CDH11: variants seen among roughly 807,000 people sequenced by gnomAD.
CDH11 encodes the protein cadherin 11, also known as cadherin-11.
In CDH11, 11 loss-of-function variants were observed where a neutral mutation model predicts 67.8. That is an observed-to-expected ratio of 0.16 (90% CI 0.10 to 0.27). CDH11 has a LOEUF of 0.27. Among genes scored for constraint, CDH11 ranks in the 10% least tolerant of loss-of-function variants. The pLI is 1.00. For synonymous variants in CDH11, 419 were observed against 400.0 expected (o/e 1.05, Z -0.57); for missense variants, 847 against 1,031.2 (o/e 0.82, Z 2.45).
At position 64,987,879 on chromosome 16, in the gene CDH11, C is replaced by T. The variant is rs945921676; in HGVS notation, c.999+278G>A. On this transcript the variant is annotated intron_variant, in intron 7 of 12. Coordinates refer to ENST00000268603, the MANE Select transcript of CDH11 (RefSeq NM_001797.4). The stretch of plus-strand genomic sequence containing the variant: ...TCTAGATTTATCTCATTGTCCTTCC[C>T]TCCATGGGAGAACTGTGCTTCCCTC... 9.8e-6 allele frequency: 3 copies of T among 306,432 alleles called. No individual in the cohort carries two copies. In the East Asian group the frequency reaches 1.7e-4, roughly 17 times the overall value. 19.0% of individuals were successfully genotyped at this position (306,432 alleles called of 1,614,324 possible).
chr16:65,044,219 A>G (rs921711116), intron 2 of CDH11, among the ~76,000 whole-genome samples: 3 of 152,126 alleles, frequency 2.0e-5, no homozygotes, highest in Admixed American at 6.5e-5. Flanking sequence ...ATGGCATGGT[A>G]TTACACAGCC....
chr16:65,074,040 G>T (rs2074465233), intron 1 of CDH11, among the ~76,000 whole-genome samples: 1 of 152,182 alleles, frequency 6.6e-6, no homozygotes, highest in African/African-American at 2.4e-5. Context: ...TAAGTCCTTG[G>T]ACCCAGAGGC....
rs76845252 is a variant in CDH11, at chr16:65,049,391, C to T, written c.-173+4413G>A. Among the ~76,000 whole-genome samples, 15 of 152,228 alleles carry T rather than the reference C, an allele frequency of 9.9e-5. No individual in the cohort carries two copies. The East Asian group carries it at 2.5e-3, about 26-fold the overall frequency. On this transcript the variant is annotated intron_variant, in intron 2 of 12. Coordinates refer to ENST00000268603, the MANE Select transcript of CDH11 (RefSeq NM_001797.4). ...GAATGGAGACCCTGTCTCTACCCAT[C>T]GCTCATCGGTGGTCCTCAGCAAGTT...
chr16:65,049,482 C>T (rs375821933), intron 2 of CDH11, among the ~76,000 whole-genome samples: 5 of 152,064 alleles, frequency 3.3e-5, no homozygotes, highest in African/African-American at 9.7e-5. Flanking sequence ...GCATAGCAGC[C>T]AAAGTCTTGG....
chr16:65,069,708 A>G (rs1276822452), intron 1 of CDH11, among the ~76,000 whole-genome samples: 2 of 152,214 alleles, frequency 1.3e-5, no homozygotes, highest in Non-Finnish European at 2.9e-5. Flanking sequence ...GATACCATCA[A>G]TTTGAGTCTA....
intron 1 of CDH11, among the ~76,000 whole-genome samples, chr16:65,076,919 A>G (rs1215787335): frequency 6.6e-6 from 1 of 152,028 alleles, no homozygotes; most frequent in Non-Finnish European, 1.5e-5. Flanking sequence ...TTCTTAGCAC[A>G]TGGTATTTCT....
rs141912897 is a variant in CDH11, at chr16:65,098,128, T to C, written c.-298+23752A>G. On this transcript the variant is annotated intron_variant, in intron 1 of 12. Coordinates refer to ENST00000268603, the MANE Select transcript of CDH11 (RefSeq NM_001797.4). Reference sequence around the variant, plus strand: ...ACTGTGGAAGAGAAGGCCATGAAATTGGGTAGGGCAGCAGCTGGAAGAACC... The same window carrying C: ...ACTGTGGAAGAGAAGGCCATGAAATCGGGTAGGGCAGCAGCTGGAAGAACC... 2.2e-3 allele frequency among the ~76,000 whole-genome samples: 338 copies of C among 152,196 alleles called. 1 individual carries two copies. Among genetic ancestry groups the C allele is most frequent in the Non-Finnish European group, 4.3e-3 (291 of 68,020 alleles).
intron 4 of CDH11, among the ~76,000 whole-genome samples, chr16:64,997,926 G>A (rs1262324137): frequency 6.6e-6 from 1 of 152,076 alleles, no homozygotes; most frequent in Non-Finnish European, 1.5e-5. Context: ...CTTAATATGA[G>A]GAATGTTTCT....
At chr16:64,996,156 A>G (rs1319358067) in intron 4 of CDH11, among the ~76,000 whole-genome samples, 8 of 152,128 alleles carry the variant, frequency 5.3e-5, no homozygotes, top group African/African-American at 1.9e-4. Context: ...ACATTAGGTC[A>G]CTCTGAAAAG....
At chr16:65,081,115 T>C (rs1264451929) in intron 1 of CDH11, among the ~76,000 whole-genome samples, 1 of 152,208 alleles carries the variant, frequency 6.6e-6, no homozygotes, top group African/African-American at 2.4e-5. Flanking sequence ...TATATGCATA[T>C]GTCTGTCTAA....
At chr16:65,096,443 G>GTGTGTGTA (rs71143551) in intron 1 of CDH11, among the ~76,000 whole-genome samples, 2,921 of 138,358 alleles carry the variant, frequency 0.021, 44 homozygotes, top group South Asian at 0.072. Flanking sequence ...GTGTGTGTGT[G>GTGTGTGTA]TATATATATG....
intron 2 of CDH11, among the ~76,000 whole-genome samples, chr16:65,026,661 T>G (rs2073540701): frequency 6.6e-6 from 1 of 152,148 alleles, no homozygotes; most frequent in African/African-American, 2.4e-5. Context: ...TCTTCCAATT[T>G]CCACCTCAAA....
chr16:65,087,886 A>G (rs571695471), intron 1 of CDH11, among the ~76,000 whole-genome samples: 1 of 152,292 alleles, frequency 6.6e-6, no homozygotes, highest in South Asian at 2.1e-4. Flanking sequence ...CTTCTTTTTA[A>G]CAGTAATTAA....
intron 6 of CDH11, among the ~76,000 whole-genome samples, 181 bp from the exon 7 acceptor site, chr16:64,988,525 G>C (rs1485157883): frequency 6.6e-6 from 1 of 152,150 alleles, no homozygotes; most frequent in Admixed American, 6.5e-5. Flanking sequence ...CTTGTCAAAA[G>C]AATGTGTTCT....
At chr16:65,055,616 A>G (rs1342899869) in intron 1 of CDH11, among the ~76,000 whole-genome samples, 1 of 152,156 alleles carries the variant, frequency 6.6e-6, no homozygotes, top group Non-Finnish European at 1.5e-5. Flanking sequence ...ATCCATACTG[A>G]TTGTGTCTCA....
At chr16:64,973,970 A>G in intron 8 of CDH11, among the ~76,000 whole-genome samples, 1 of 152,066 alleles carries the variant, frequency 6.6e-6, no homozygotes, top group South Asian at 2.1e-4. Context: ...TATTTTAATG[A>G]CTCCAGGCTG....
rs1051217939 is a variant in CDH11, at chr16:64,998,971, G to A, written c.229-115C>T. The A allele has an allele frequency of 7.1e-6, 6 of 842,214 alleles. No individual in the cohort carries two copies. The East Asian group carries it at 1.3e-4, about 18-fold the overall frequency. The allele number at this position is 842,214 out of a possible 1,614,324, so 52.2% of individuals were successfully genotyped here. A position where few individuals can be genotyped will look rare whatever the true frequency, so the allele number is the denominator to read the frequency against. On this transcript the variant is annotated intron_variant, in intron 3 of 12. Coordinates refer to ENST00000268603, the MANE Select transcript of CDH11 (RefSeq NM_001797.4). ...CACACACACGTCATGAAAGGGAGAT[G>A]TTCTCATCTCCATTTTACAACAGGA...
At chr16:65,098,727 C>T (rs1377436644) in intron 1 of CDH11, among the ~76,000 whole-genome samples, 1 of 152,056 alleles carries the variant, frequency 6.6e-6, no homozygotes, top group Admixed American at 6.6e-5. Flanking sequence ...ATCATAGGTG[C>T]TTATCAAATG....
intron 12 of CDH11, 49 bp downstream of exon 12, chr16:64,950,718 G>C (rs1051867226): frequency 1.3e-6 from 2 of 1,593,228 alleles, no homozygotes; most frequent in Admixed American, 1.7e-5. Flanking sequence ...TCAAGGAGGG[G>C]CATCCGGTTG....
Sources: allele counts gnomAD v4.1 joint callset (sites outside exome capture counted in the v4.1 genomes callset), GRCh38; gene constraint gnomAD v4.1.1; transcripts MANE v1.5; gene names NCBI Gene and HGNC (gene_info 2026-07-23, HGNC 2026-07-21).